The following PARD3B variants were observed in gnomAD, a reference collection of about 807,000 sequenced individuals.
PARD3B encodes par-3 family cell polarity regulator beta.
A neutral mutation model predicts 130.2 loss-of-function variants in PARD3B; 103 were observed. That is an observed-to-expected ratio of 0.79 (90% CI 0.67 to 0.93). The LOEUF is 0.93. PARD3B is among the 40% of genes least tolerant of loss of function. The probability of loss-of-function intolerance (pLI) is 0.00; values close to 1 mark genes in which losing one functional copy is unlikely to be tolerated. For synonymous variants in PARD3B, 583 were observed against 553.2 expected (o/e 1.05, Z -0.76); for missense variants, 1,609 against 1,499.2 (o/e 1.07, Z -1.21).
intron 21 of PARD3B, among the ~76,000 whole-genome samples, chr2:205,518,662 G>A (rs1382146958): frequency 6.6e-6 from 1 of 152,130 alleles, no homozygotes; most frequent in Non-Finnish European, 1.5e-5. Flanking sequence ...TTGTGGGGTT[G>A]CTTTATAGTG....
intron 15 of PARD3B, among the ~76,000 whole-genome samples, chr2:205,225,810 C>A: frequency 6.6e-6 from 1 of 152,140 alleles, no homozygotes; most frequent in Admixed American, 6.5e-5. Flanking sequence ...GGGGGAAATC[C>A]ACCCCCATGA....
intron 2 of PARD3B, among the ~76,000 whole-genome samples, chr2:204,738,315 T>A (rs2039847465): frequency 6.6e-6 from 1 of 152,196 alleles, no homozygotes; most frequent in South Asian, 2.1e-4. Context: ...TTAGGTATTT[T>A]ATTTTTTTTC....
intron 1 of PARD3B, among the ~76,000 whole-genome samples, chr2:204,682,367 A>C (rs1348791455): frequency 6.6e-6 from 1 of 152,184 alleles, no homozygotes; most frequent in Non-Finnish European, 1.5e-5. Context: ...TCTCATCTGT[A>C]AGATGGATTA....
chr2:204,939,209 G>A (rs902538212), intron 2 of PARD3B, among the ~76,000 whole-genome samples: 1 of 151,940 alleles, frequency 6.6e-6, no homozygotes, highest in East Asian at 1.9e-4. Context: ...CTTAAAATAT[G>A]CAAGATCCAT....
chr2:204,968,606 A>G lies in PARD3B; in HGVS notation c.394+3283A>G, dbSNP rs181495304. ...CACCTTCAAACCTCTGTGCCTTTGC[A>G]GATACTGTTCTCTTTAGCTGGCTCA... On this transcript the variant is annotated intron_variant, in intron 3 of 22. Coordinates refer to ENST00000406610, the MANE Select transcript of PARD3B (RefSeq NM_001302769.2). 2.5e-3 allele frequency among the ~76,000 whole-genome samples: 374 copies of G among 152,338 alleles called. 2 individuals carry two copies. Among genetic ancestry groups the G allele is most frequent in the African/African-American group, 8.0e-3 (332 of 41,572 alleles).
At position 204,906,530 on chromosome 2, in the gene PARD3B, A is replaced by G. The variant is rs751747098; in HGVS notation, c.223-58622A>G. On this transcript the variant is annotated intron_variant, in intron 2 of 22. Transcript: ENST00000406610. The surrounding 1 kb of genome is among the most constrained non-coding windows in gnomAD (Gnocchi z 4.3). The stretch of plus-strand genomic sequence containing the variant: ...GAGAACACATGGTGTTTGGACTGTT[A>G]TTGTTAATCATTTCTTTTGCTCAGT... Among the ~76,000 whole-genome samples the G allele has an allele frequency of 1.4e-4, 22 of 152,168 alleles. No homozygotes were observed. The highest frequency in any genetic ancestry group is 2.1e-4 in the Non-Finnish European group (14 of 68,034).
rs1227685828 is a variant in PARD3B, at chr2:205,351,232, A to G, written c.2630+49531A>G. Among the ~76,000 whole-genome samples, 1 of 152,230 alleles carries G rather than the reference A, an allele frequency of 6.6e-6. No homozygotes were observed. The highest frequency in any genetic ancestry group is 1.9e-4 in the East Asian group (1 of 5,200). On this transcript the variant is annotated intron_variant, in intron 18 of 22. Coordinates refer to ENST00000406610, the MANE Select transcript of PARD3B (RefSeq NM_001302769.2). The surrounding 1 kb of genome is among the most constrained non-coding windows in gnomAD (Gnocchi z 4.2). ...ACCTTGCTGTCTCCCCACCACATTT[A>G]TGATGTGAAACTAAATAAATACGGG...
intron 19 of PARD3B, among the ~76,000 whole-genome samples, chr2:205,425,880 G>C (rs191568281): frequency 6.6e-5 from 10 of 152,244 alleles, no homozygotes; most frequent in African/African-American, 2.2e-4. Flanking sequence ...AGAATTCACC[G>C]TGTTATTTGT....
At chr2:204,891,227 A>G (rs1487968561) in intron 2 of PARD3B, among the ~76,000 whole-genome samples, 1 of 150,454 alleles carries the variant, frequency 6.6e-6, no homozygotes, top group East Asian at 2.0e-4. Flanking sequence ...AAATACCTAT[A>G]CATCGGAATC....
At chr2:205,127,466 T>C (rs2031574483) in intron 10 of PARD3B, among the ~76,000 whole-genome samples, 1 of 152,182 alleles carries the variant, frequency 6.6e-6, no homozygotes, top group Non-Finnish European at 1.5e-5. Flanking sequence ...GTTAGGTTAT[T>C]GGAACAGTAA....
chr2:205,297,721 G>A (rs2041846553), intron 16 of PARD3B, among the ~76,000 whole-genome samples: 1 of 152,016 alleles, frequency 6.6e-6, no homozygotes, highest in African/African-American at 2.4e-5. Context: ...CATTCTCCAG[G>A]AATAAATAGA....
intron 2 of PARD3B, among the ~76,000 whole-genome samples, chr2:204,899,465 C>T (rs2046779540): frequency 6.6e-6 from 1 of 151,898 alleles, no homozygotes; most frequent in Non-Finnish European, 1.5e-5. Context: ...GACAGCTTAC[C>T]ACTGATTGCG....
chr2:204,749,315 T>C (rs1414272193), intron 2 of PARD3B, among the ~76,000 whole-genome samples: 3 of 152,194 alleles, frequency 2.0e-5, no homozygotes, highest in African/African-American at 7.2e-5. Flanking sequence ...TACATATCAA[T>C]TTTTTGGTTT....
rs558575048 is a variant in PARD3B, at chr2:204,746,552, G to A, written c.222+60270G>A. On this transcript the variant is annotated intron_variant, in intron 2 of 22. Coordinates refer to ENST00000406610, the MANE Select transcript of PARD3B (RefSeq NM_001302769.2). Reference sequence around the variant, plus strand: ...TCTAGTTCTAGATCCTTGAAGAATTGCCACACTGTCTTCCACAATGGTTGA... The same window carrying A: ...TCTAGTTCTAGATCCTTGAAGAATTACCACACTGTCTTCCACAATGGTTGA... Among the ~76,000 whole-genome samples, 449 of 152,218 alleles carry A rather than the reference G, an allele frequency of 2.9e-3. 1 individual carries two copies. Among genetic ancestry groups the A allele is most frequent in the African/African-American group, 9.6e-3 (397 of 41,538 alleles).
chr2:204,793,750 A>G (rs6740517), intron 2 of PARD3B, among the ~76,000 whole-genome samples: 22,342 of 151,892 alleles, frequency 0.15, 2,929 homozygotes, highest in African/African-American at 0.35. Flanking sequence ...TTCATGATCC[A>G]CCCACTTCGG....
chr2:205,339,918 C>A (rs2043456511), intron 18 of PARD3B, among the ~76,000 whole-genome samples: 1 of 151,238 alleles, frequency 6.6e-6, no homozygotes, highest in Non-Finnish European at 1.5e-5. Context: ...GAGAAGGAGG[C>A]AGAAGTAAAG....
Position 205,446,979 on chromosome 2 carries a change from C to T in PARD3B, c.3044+6307C>T, listed in dbSNP as rs79061757. Among the ~76,000 whole-genome samples, 46 of 152,272 alleles carry T rather than the reference C, an allele frequency of 3.0e-4. No homozygotes were observed. In the East Asian group the frequency reaches 4.6e-3, roughly 15 times the overall value. On this transcript the variant is annotated intron_variant, in intron 20 of 22. Transcript: ENST00000406610. This position sits in a 1 kb window ranked among gnomAD's most constrained non-coding sequence, Gnocchi z 4.4. The stretch of plus-strand genomic sequence containing the variant: ...TGCATTAGTTTGTGTGACAATTTGA[C>T]ATTCATTTCTAGAGGTTGCCAAATG...
intron 21 of PARD3B, among the ~76,000 whole-genome samples, chr2:205,524,357 TCTGATATTAACTACACCTC>T (rs1375676931): frequency 6.6e-6 from 1 of 152,172 alleles, no homozygotes; most frequent in Admixed American, 6.5e-5. Flanking sequence ...ATCAGGACTG[TCTGATATTAACTACACCTC>T]CTGTTTAGAA....
At chr2:205,047,034 T>G (rs1698833021) in intron 3 of PARD3B, among the ~76,000 whole-genome samples, 1 of 152,206 alleles carries the variant, frequency 6.6e-6, no homozygotes, top group Admixed American at 6.5e-5. Flanking sequence ...ATCAGTTCTA[T>G]CTACTTTAGG....
Sources: allele counts gnomAD v4.1 joint callset (sites outside exome capture counted in the v4.1 genomes callset), GRCh38; gene constraint gnomAD v4.1.1; non-coding constraint Gnocchi (gnomAD v3.1); transcripts MANE v1.5; gene names NCBI Gene and HGNC (gene_info 2026-07-23, HGNC 2026-07-21).